Variants in GET1 observed in about 807,000 individuals in gnomAD.
GET1 encodes the protein congenital heart disease 5 protein.
GET1 carries 20 observed loss-of-function variants against 22.6 expected under a neutral mutation model. That is an observed-to-expected ratio of 0.89 (90% CI 0.62 to 1.29). GET1 has a LOEUF of 1.29. Ranked by LOEUF, GET1 falls within the 50% of genes most tolerant of loss-of-function variation. GET1 has a pLI of 0.00. For missense variants in GET1, 209 were observed against 219.9 expected, an observed-to-expected ratio of 0.95 and a Z score of 0.31; for synonymous variants, 92 against 83.8, an observed-to-expected ratio of 1.10 and a Z score of -0.53.
chr21:39,393,288 T>G lies in GET1; in HGVS notation c.451+8T>G. 1 of 1,607,802 alleles carries G rather than the reference T, an allele frequency of 6.2e-7. No individual in the cohort carries two copies. Among genetic ancestry groups the G allele is most frequent in the South Asian group, 1.1e-5 (1 of 90,940 alleles). ...TTCCTACTAGAGTAGCAGGTAAGAA[T>G]TTTCTGGAAGATGCAGTGGAAGAGT... On this transcript the variant is annotated splice_region_variant and intron_variant, in intron 4 of 4. Coordinates refer to ENST00000649170, the MANE Select transcript of GET1 (RefSeq NM_004627.6).
Position 39,383,179 on chromosome 21 carries a change from C to T in GET1, c.102+2693C>T, listed in dbSNP as rs550234326. 3.0e-4 allele frequency among the ~76,000 whole-genome samples: 46 copies of T among 152,176 alleles called. 1 individual carries two copies. The highest frequency in any genetic ancestry group is 1.8e-3 in the Admixed American group (28 of 15,292). ...CCGAATTAGCCAGGATGGTCTCGAT[C>T]TCCTGACCTTGTGATCTGCCCGCCT... On this transcript the variant is annotated intron_variant, in intron 1 of 4. Coordinates refer to ENST00000649170, the MANE Select transcript of GET1 (RefSeq NM_004627.6).
At chr21:39,388,159 G>C (rs1160835955) in intron 1 of GET1, among the ~76,000 whole-genome samples, 1 of 152,130 alleles carries the variant, frequency 6.6e-6, no homozygotes, top group Non-Finnish European at 1.5e-5. Context: ...CGGATCGCTT[G>C]AGCTCAGGAG....
chr21:39,427,793 T>C (rs984224694), intron 1 of GET1: 2 of 156,484 alleles, frequency 1.3e-5, no homozygotes, highest in Non-Finnish European at 2.8e-5. Flanking sequence ...GGTGCTGAGA[T>C]AGGTATTTAC....
downstream of GET1, among the ~76,000 whole-genome samples, chr21:39,398,455 C>T (rs891676954): frequency 3.3e-5 from 5 of 152,268 alleles, no homozygotes; most frequent in Admixed American, 2.0e-4. Flanking sequence ...TCAGTTGTTA[C>T]AAGAATTTTG....
chr21:39,388,964 G>A (rs1212979482), intron 1 of GET1, among the ~76,000 whole-genome samples: 1 of 152,124 alleles, frequency 6.6e-6, no homozygotes, highest in Non-Finnish European at 1.5e-5. Flanking sequence ...CTTTGTTTAT[G>A]TCTGTATTTC....
chr21:39,396,987 C>A lies in GET1; in HGVS notation c.*48C>A, dbSNP rs2038700304. ...GAGGCTAAAAAACGGATTTCCTCTT[C>A]CTAGCTTAAAATCTGATTTACACTG... On this transcript the variant is annotated 3_prime_UTR_variant, in exon 5 of 5. Coordinates refer to ENST00000649170, the MANE Select transcript of GET1 (RefSeq NM_004627.6). The A allele has an allele frequency of 6.3e-7, 1 of 1,593,634 alleles. No individual in the cohort carries two copies. Among genetic ancestry groups the A allele is most frequent in the African/African-American group, 1.3e-5 (1 of 74,286 alleles).
chr21:39,409,118 C>T (rs190854348), downstream of GET1, among the ~76,000 whole-genome samples: 9 of 152,176 alleles, frequency 5.9e-5, no homozygotes, highest in Admixed American at 2.0e-4. This position sits in a 1 kb window ranked among gnomAD's most constrained non-coding sequence, Gnocchi z 4.2. Flanking sequence ...GCCTTCATGA[C>T]GGAATTAGTG....
intron 2 of GET1, chr21:39,391,558 C>A: frequency 3.0e-4 from 134 of 447,786 alleles, no homozygotes; most frequent in Middle Eastern, 2.7e-3. Context: ...CTATTCAAAT[C>A]TCAATCTGAG....
intron 4 of GET1, among the ~76,000 whole-genome samples, chr21:39,396,533 A>C (rs1394495132): frequency 2.0e-5 from 3 of 151,676 alleles, no homozygotes; most frequent in Non-Finnish European, 4.4e-5. Flanking sequence ...GTCTCAAAAA[A>C]AAAATTAGCC....
downstream of GET1, among the ~76,000 whole-genome samples, chr21:39,402,702 T>C (rs1224264501): frequency 6.6e-6 from 1 of 152,228 alleles, no homozygotes; most frequent in East Asian, 1.9e-4. Context: ...GCAAGAGTGT[T>C]GGAGTACCTT....
Position 39,406,002 on chromosome 21 carries a change from C to T in GET1, c.*18C>T, listed in dbSNP as rs140751076. 71 of 1,614,160 alleles carry T rather than the reference C, an allele frequency of 4.4e-5. No individual in the cohort carries two copies. In the Middle Eastern group the frequency reaches 4.9e-4, roughly 11 times the overall value. On this transcript the variant is annotated 3_prime_UTR_variant, in exon 5 of 5. Transcript: ENST00000415847. ...AGGCCTGACTGGGAGGCAGGGGATG[C>T]GACTCCTTACTTTGCAAAGGCTCCT...
At chr21:39,405,826 CA>C in intron 4 of GET1, 2 of 1,299,428 alleles carry the variant, frequency 1.5e-6, no homozygotes, top group Middle Eastern at 2.7e-4. Flanking sequence ...AAATAAGATG[CA>C]AGGCACATAA....
At chr21:39,395,803 C>T (rs1256401232) in intron 4 of GET1, among the ~76,000 whole-genome samples, 1 of 152,236 alleles carries the variant, frequency 6.6e-6, no homozygotes, top group African/African-American at 2.4e-5. Flanking sequence ...CATCCAGCCA[C>T]CCTTCCATGC....
At position 39,421,409 on chromosome 21, in the gene GET1, G is replaced by C. The variant is rs114598798; in HGVS notation, c.*24-6823G>C. The stretch of plus-strand genomic sequence containing the variant: ...CTGCCCGATTTAAACATTCTGACCA[G>C]ATCCTGAAAATCAGTAGACATCATG... On this transcript the variant is annotated intron_variant, in intron 1 of 1. Transcript: ENST00000478273. 3.6e-3 allele frequency among the ~76,000 whole-genome samples: 550 copies of C among 152,238 alleles called. 5 individuals are homozygous for C. The highest frequency in any genetic ancestry group is 0.013 in the African/African-American group (537 of 41,542).
chr21:39,410,216 G>A (rs775507085), downstream of GET1: 4 of 1,294,500 alleles, frequency 3.1e-6, no homozygotes, highest in East Asian at 2.3e-5. Flanking sequence ...GCCTATTTTT[G>A]TTAAGACATG....
At chr21:39,414,159 G>GC (rs758554828) in intron 1 of GET1, 2 of 152,280 alleles carry the variant, frequency 1.3e-5, no homozygotes, top group Non-Finnish European at 2.9e-5. Context: ...AATACTCAGC[G>GC]CAAAGCCTGC....
exon 5 of GET1, chr21:39,406,110 T>C (rs150754131): frequency 2.5e-6 from 4 of 1,614,106 alleles, no homozygotes; most frequent in Non-Finnish European, 3.4e-6. Flanking sequence ...TGAGACTGCT[T>C]TTCTTATCTC....
chr21:39,405,842 CATTATATCAAACCAGA>C (rs1569052010), intron 4 of GET1: 2 of 1,414,828 alleles, frequency 1.4e-6, no homozygotes, highest in South Asian at 1.4e-5. Flanking sequence ...ACATAAGCAG[CATTATATCAAACCAGA>C]ATGCATTAGG....
Position 39,392,761 on chromosome 21 carries a change from T to G in GET1, c.337-405T>G, listed in dbSNP as rs569163102. ...GGCTTTCGTCACTAATAAGGTGTGT[T>G]GAGCATACAGTCTGGCTACTCAAAC... On this transcript the variant is annotated intron_variant, in intron 3 of 4. Coordinates refer to ENST00000649170, the MANE Select transcript of GET1 (RefSeq NM_004627.6). 1.4e-3 allele frequency: 242 copies of G among 175,978 alleles called. 2 individuals carry two copies. Among genetic ancestry groups the G allele is most frequent in the Non-Finnish European group, 1.2e-3 (99 of 83,280 alleles). The allele number at this position is 175,978 out of a possible 1,614,324, so 10.9% of individuals were successfully genotyped here. A position where few individuals can be genotyped will look rare whatever the true frequency, so the allele number is the denominator to read the frequency against.
Sources: gnomAD v4.1 joint callset for allele counts (sites outside exome capture counted in the v4.1 genomes callset) on GRCh38, gnomAD v4.1.1 for gene constraint, Gnocchi (gnomAD v3.1) non-coding constraint, MANE v1.5 for transcripts, NCBI Gene and HGNC (gene_info 2026-07-23, HGNC 2026-07-21) for gene names.